Variants in PCSK5 observed in about 807,000 individuals in gnomAD.
PCSK5 encodes prohormone convertase 5.
PCSK5 carries 129 observed loss-of-function variants against 233.2 expected under a neutral mutation model. The ratio of observed to expected loss-of-function variants is 0.55; its 90% CI spans 0.48 to 0.64. The LOEUF is 0.64. PCSK5 is among the 30% of genes least tolerant of loss of function. The pLI, the probability that PCSK5 is intolerant of heterozygous loss-of-function variation, is 0.00. For synonymous variants in PCSK5, 825 were observed against 879.2 expected (o/e 0.94, Z 1.09); for missense variants, 2,076 against 2,430.1 (o/e 0.85, Z 3.06).
intron 5 of PCSK5, among the ~76,000 whole-genome samples, chr9:76,051,222 C>A (rs1829618837): frequency 6.6e-6 from 1 of 152,180 alleles, no homozygotes; most frequent in African/African-American, 2.4e-5. Context: ...TCTCAGATAT[C>A]AGGGAGACCA....
At chr9:76,164,626 C>A (rs1823019847) in intron 12 of PCSK5, among the ~76,000 whole-genome samples, 1 of 152,116 alleles carries the variant, frequency 6.6e-6, no homozygotes, top group Non-Finnish European at 1.5e-5. Context: ...AATAAGCTCC[C>A]AGGTGATCCT....
rs1225391601 is a variant in PCSK5 at position 76,350,868 on chromosome 9, C to G, written c.5007C>G (p.Tyr1669Ter). ...ATTGTTTATCCTGTGTGTGGAGTTA[C>G]CACCTCATGGGAGGGATCTGCACCT... is the stretch of plus-strand genomic sequence containing the variant. ...ALNCLSCVWS[Y>*]HLMGGICTSD... Residue 1669 changes from tyrosine to a stop codon, truncating the protein, a stop_gained, in exon 36 of 38, where the codon TAC (tyrosine) becomes TAG (stop). Coordinates refer to ENST00000674117, the MANE Select transcript of PCSK5 (RefSeq NM_001372043.1). LOFTEE classifies it high-confidence loss of function. The G allele has an allele frequency of 1.9e-6, 3 of 1,609,544 alleles. No individual in the cohort carries two copies. The highest frequency in any genetic ancestry group is 2.2e-5 in the East Asian group (1 of 44,828).
At chr9:76,308,947 G>C (rs1190307909) in intron 29 of PCSK5, among the ~76,000 whole-genome samples, 1 of 152,224 alleles carries the variant, frequency 6.6e-6, no homozygotes, top group East Asian at 1.9e-4. Flanking sequence ...GTCAGGTACA[G>C]TGGTTCACAC....
At position 76,097,286 on chromosome 9, in the gene PCSK5, T is replaced by C. The variant is rs915577182; in HGVS notation, c.1107+1184T>C. Among the ~76,000 whole-genome samples the C allele has an allele frequency of 1.2e-4, 14 of 120,696 alleles. 1 individual carries two copies. Among genetic ancestry groups the C allele is most frequent in the African/African-American group, 5.2e-4 (14 of 26,948 alleles). The allele number at this position is 120,696 out of a possible 152,430, so 79.2% of individuals were successfully genotyped here. ...TTTTTTTTTTGAGACGGAGTCTCGC[T>C]CTGTCGCCCAGGCGGGACTGCGGAC... On this transcript the variant is annotated intron_variant, in intron 8 of 37. Coordinates refer to ENST00000674117, the MANE Select transcript of PCSK5 (RefSeq NM_001372043.1).
intron 2 of PCSK5, among the ~76,000 whole-genome samples, chr9:75,939,712 G>A (rs1168987482): frequency 6.6e-6 from 1 of 152,150 alleles, no homozygotes; most frequent in East Asian, 1.9e-4. Context: ...ACACCCATGC[G>A]CTATGCATAT....
intron 2 of PCSK5, among the ~76,000 whole-genome samples, chr9:75,940,217 C>T (rs1587392250): frequency 6.6e-6 from 1 of 152,178 alleles, no homozygotes; most frequent in Non-Finnish European, 1.5e-5. Context: ...TTGCCTGTAA[C>T]GTCTACCCAT....
At chr9:76,229,643 C>A (rs948545571) in intron 21 of PCSK5, among the ~76,000 whole-genome samples, 1 of 151,938 alleles carries the variant, frequency 6.6e-6, no homozygotes, top group African/African-American at 2.4e-5. Context: ...ATTAAAGAAC[C>A]AAGAAATTAC....
At chr9:76,160,099 G>A (rs560530732) in intron 12 of PCSK5, among the ~76,000 whole-genome samples, 4 of 152,192 alleles carry the variant, frequency 2.6e-5, no homozygotes, top group Non-Finnish European at 5.9e-5. Context: ...GGGATTACAG[G>A]CATGAGCCAC....
In PCSK5 at chr9:76,020,436, T is replaced by A. The variant is rs189253319; in HGVS notation, c.412-3302T>A. Among the ~76,000 whole-genome samples, 194 of 152,350 alleles carry A rather than the reference T, an allele frequency of 1.3e-3. 4 individuals carry two copies. The highest frequency in any genetic ancestry group is 0.013 in the Admixed American group (192 of 15,302). On this transcript the variant is annotated intron_variant, in intron 3 of 37. Coordinates refer to ENST00000674117, the MANE Select transcript of PCSK5 (RefSeq NM_001372043.1). ...AAAGTCGAAGATCCACATTCAGGAT[T>A]CAGGGTTCTGATTTAAATGCCCTCT... is the stretch of plus-strand genomic sequence containing the variant.
At chr9:75,892,943 CT>C (rs894032527) in intron 1 of PCSK5, among the ~76,000 whole-genome samples, 2 of 152,170 alleles carry the variant, frequency 1.3e-5, no homozygotes, top group Non-Finnish European at 2.9e-5. Flanking sequence ...GCTTGAGTGA[CT>C]GTTATCTGCG....
chr9:75,941,842 C>T (rs1427624575), intron 2 of PCSK5, among the ~76,000 whole-genome samples: 1 of 152,140 alleles, frequency 6.6e-6, no homozygotes, highest in Non-Finnish European at 1.5e-5. Context: ...TTCCAGGTCT[C>T]CTAGGTGTCT....
intron 35 of PCSK5, among the ~76,000 whole-genome samples, chr9:76,349,011 C>G (rs13290636): frequency 0.028 from 4,263 of 152,008 alleles, 71 homozygotes; most frequent in Non-Finnish European, 0.043. Flanking sequence ...GTGGCTCACG[C>G]CTGTAATCCC....
intron 20 of PCSK5, among the ~76,000 whole-genome samples, chr9:76,222,065 T>A (rs1825744545): frequency 6.6e-6 from 1 of 152,204 alleles, no homozygotes; most frequent in African/African-American, 2.4e-5. Flanking sequence ...CATTCTGTCT[T>A]TAGTGCATCC....
intron 30 of PCSK5, among the ~76,000 whole-genome samples, chr9:76,311,514 T>G (rs1003866292): frequency 6.6e-6 from 1 of 152,138 alleles, no homozygotes; most frequent in Non-Finnish European, 1.5e-5. Context: ...GGTTAGTTAT[T>G]TATTGATTCC....
intron 8 of PCSK5, among the ~76,000 whole-genome samples, chr9:76,099,950 G>GA (rs1307281875): frequency 2.0e-5 from 3 of 152,046 alleles, no homozygotes; most frequent in East Asian, 3.9e-4. Context: ...AGGAGAGAGG[G>GA]AAAAAAATCT....
intron 1 of PCSK5, among the ~76,000 whole-genome samples, chr9:75,918,526 T>C (rs1587360561): frequency 6.6e-6 from 1 of 152,378 alleles, no homozygotes; most frequent in East Asian, 1.9e-4. Flanking sequence ...AGGTGTGGTA[T>C]GGCTGATAGC....
intron 3 of PCSK5, among the ~76,000 whole-genome samples, chr9:76,014,415 G>T (rs1827859269): frequency 1.3e-5 from 2 of 152,136 alleles, no homozygotes; most frequent in South Asian, 4.1e-4. Context: ...AGAAATATTT[G>T]ATTTTTGATT....
intron 22 of PCSK5, among the ~76,000 whole-genome samples, chr9:76,235,167 TAATGAATGAATGG>T (rs1406008003): frequency 2.0e-5 from 3 of 152,154 alleles, no homozygotes; most frequent in Non-Finnish European, 4.4e-5. Context: ...CTGAATGAAT[TAATGAATGAATGG>T]TTCAATGGAA....
intron 20 of PCSK5, among the ~76,000 whole-genome samples, chr9:76,210,141 T>C (rs1825275843): frequency 6.6e-6 from 1 of 150,442 alleles, no homozygotes; most frequent in Non-Finnish European, 1.5e-5. Flanking sequence ...TTAGGGGAGG[T>C]CAAAGAAAAC....
Sources: gnomAD v4.1 joint callset for allele counts (sites outside exome capture counted in the v4.1 genomes callset) on GRCh38, gnomAD v4.1.1 for gene constraint, MANE v1.5 for transcripts, NCBI Gene and HGNC (gene_info 2026-07-23, HGNC 2026-07-21) for gene names.